Variants in CCDC73 observed in about 807,000 individuals in gnomAD.
CCDC73 encodes coiled-coil domain containing 73, also known as coiled-coil domain-containing protein 73.
CCDC73 carries 95 observed loss-of-function variants against 116.5 expected under a neutral mutation model. The ratio of observed to expected loss-of-function variants is 0.82; its 90% CI spans 0.69 to 0.97. CCDC73 has a LOEUF of 0.97. Ranked by LOEUF, CCDC73 falls within the 50% of genes least tolerant of loss-of-function variation. CCDC73 has a pLI of 0.00. For synonymous variants in CCDC73, 398 were observed against 401.3 expected (o/e 0.99, Z 0.10); for missense variants, 1,066 against 1,206.8 (o/e 0.88, Z 1.73).
intron 6 of CCDC73, among the ~76,000 whole-genome samples, chr11:32,698,920 T>C (rs1236446006): frequency 1.3e-5 from 2 of 152,212 alleles, no homozygotes; most frequent in Non-Finnish European, 2.9e-5. Flanking sequence ...AAAAATTCAA[T>C]GCTATTTTAA....
intron 9 of CCDC73, among the ~76,000 whole-genome samples, chr11:32,673,979 C>A (rs1006116785): frequency 3.3e-5 from 5 of 152,134 alleles, no homozygotes; most frequent in East Asian, 1.9e-4. Context: ...CTGAAGTTAT[C>A]TCAGAGGGAA....
chr11:32,829,574 C>T, the CCDC73 span, among the ~76,000 whole-genome samples: 1 of 152,230 alleles, frequency 6.6e-6, no homozygotes, highest in South Asian at 2.1e-4. Context: ...AACAGTTGAC[C>T]TAAGGTAACC....
chr11:32,780,004 T>C (rs1051376217), intron 1 of CCDC73, among the ~76,000 whole-genome samples: 3 of 152,180 alleles, frequency 2.0e-5, no homozygotes, highest in Non-Finnish European at 2.9e-5. Flanking sequence ...TTGGGTGCAG[T>C]AACTCACGCC....
At chr11:32,644,945 A>AC (rs1166684376) in intron 12 of CCDC73, among the ~76,000 whole-genome samples, 2 of 152,156 alleles carry the variant, frequency 1.3e-5, no homozygotes, top group Non-Finnish European at 2.9e-5. Context: ...GTTCTCTTTT[A>AC]CCGCTGAGTA....
chr11:32,778,640 C>T lies in CCDC73; in HGVS notation c.-16+15973G>A, dbSNP rs181366266. Among the ~76,000 whole-genome samples the T allele has an allele frequency of 7.1e-3, 1,072 of 151,952 alleles. 11 individuals carry two copies. The highest frequency in any genetic ancestry group is 0.024 in the African/African-American group (1,001 of 41,428). ...CAGCCTGGCCAACATGGTGAAACCC[C>T]GTCTCTACTAAAAATACAAAAATGG... On this transcript the variant is annotated intron_variant, in intron 1 of 17. Transcript: ENST00000335185.
intron 2 of CCDC73, among the ~76,000 whole-genome samples, chr11:32,758,017 C>T (rs148957069): frequency 1.5e-4 from 23 of 152,236 alleles, no homozygotes; most frequent in African/African-American, 4.8e-4. Flanking sequence ...TCAAGTATTA[C>T]GTATGTTTGA....
intron 14 of CCDC73, among the ~76,000 whole-genome samples, chr11:32,620,340 G>C (rs941074882): frequency 1.3e-5 from 2 of 152,030 alleles, no homozygotes; most frequent in Non-Finnish European, 2.9e-5. Context: ...GGTGGGAGAA[G>C]GATAAACACA....
intron 3 of CCDC73, among the ~76,000 whole-genome samples, chr11:32,705,439 C>T (rs866428427): frequency 1.1e-4 from 17 of 152,222 alleles, no homozygotes; most frequent in South Asian, 4.1e-4. Context: ...AGTACGTCTG[C>T]TCCAGTCACA....
At chr11:32,615,398 T>A (rs1489108296) in intron 15 of CCDC73, among the ~76,000 whole-genome samples, 4 of 152,164 alleles carry the variant, frequency 2.6e-5, no homozygotes, top group African/African-American at 9.7e-5. Context: ...TCTTCAGGAC[T>A]GACAATCATC....
At chr11:32,617,407 C>G (rs1022134578) in intron 14 of CCDC73, among the ~76,000 whole-genome samples, 3 of 152,192 alleles carry the variant, frequency 2.0e-5, no homozygotes, top group African/African-American at 7.2e-5. Flanking sequence ...CTAATGTTTT[C>G]TATGCTATTT....
chr11:32,707,227 G>T (rs115618387), intron 3 of CCDC73, among the ~76,000 whole-genome samples: 7,446 of 152,136 alleles, frequency 0.049, 197 homozygotes, highest in African/African-American at 0.068. Flanking sequence ...AAATGAGTCA[G>T]TCTTTAAACA....
chr11:32,663,418 C>T (rs534016865), intron 9 of CCDC73, among the ~76,000 whole-genome samples: 1 of 152,176 alleles, frequency 6.6e-6, no homozygotes, highest in South Asian at 2.1e-4. Flanking sequence ...AGTTGGATTC[C>T]TAGGTATTTT....
chr11:32,677,788 C>T (rs1565073990), intron 7 of CCDC73, among the ~76,000 whole-genome samples: 1 of 151,468 alleles, frequency 6.6e-6, no homozygotes, highest in Non-Finnish European at 1.5e-5. Context: ...CCCGTCTCTA[C>T]TAAAAATACA....
At chr11:32,745,813 G>A (rs916187559) in intron 2 of CCDC73, among the ~76,000 whole-genome samples, 10 of 133,332 alleles carry the variant, frequency 7.5e-5, no homozygotes, top group African/African-American at 2.8e-4. Flanking sequence ...TTGAGCCTAT[G>A]TGTGTCTCTG....
intron 2 of CCDC73, among the ~76,000 whole-genome samples, chr11:32,721,400 C>T (rs557815077): frequency 5.4e-4 from 82 of 151,838 alleles, no homozygotes; most frequent in African/African-American, 1.4e-3. Context: ...AGAATAAAGT[C>T]AAAAGAGGGA....
intron 6 of CCDC73, among the ~76,000 whole-genome samples, chr11:32,687,412 G>T (rs1401500810): frequency 6.6e-6 from 1 of 152,162 alleles, no homozygotes; most frequent in African/African-American, 2.4e-5. Context: ...ATCCACATAA[G>T]GAAAGAGGGG....
intron 2 of CCDC73, among the ~76,000 whole-genome samples, chr11:32,756,601 C>T (rs1850346192): frequency 6.6e-6 from 1 of 150,956 alleles, no homozygotes; most frequent in South Asian, 2.1e-4. Context: ...TTTATTTAGT[C>T]ATTACCCTTA....
At chr11:32,800,692 C>G in the CCDC73 span, among the ~76,000 whole-genome samples, 1 of 152,180 alleles carries the variant, frequency 6.6e-6, no homozygotes, top group Non-Finnish European at 1.5e-5. Flanking sequence ...TAGTATACTT[C>G]TCTTTCCCTC....
chr11:32,738,963 T>C (rs1243175770), intron 2 of CCDC73, among the ~76,000 whole-genome samples: 1 of 152,104 alleles, frequency 6.6e-6, no homozygotes, highest in Non-Finnish European at 1.5e-5. Context: ...CATTCCTCAA[T>C]GTATGTTCTT....
Sources: allele counts gnomAD v4.1 joint callset (sites outside exome capture counted in the v4.1 genomes callset), GRCh38; gene constraint gnomAD v4.1.1; transcripts MANE v1.5; gene names NCBI Gene and HGNC (gene_info 2026-07-23, HGNC 2026-07-21).